PCNT: variants seen among roughly 807,000 people sequenced by gnomAD.
The protein encoded by PCNT is pericentrin.
In PCNT, 319 loss-of-function variants were observed where a neutral mutation model predicts 380.4. That is an observed-to-expected ratio of 0.84 (90% CI 0.77 to 0.92). The LOEUF (loss-of-function observed/expected upper bound fraction) is 0.92. PCNT is among the 40% of genes least tolerant of loss of function. The pLI, the probability that PCNT is intolerant of heterozygous loss-of-function variation, is 0.00. For synonymous variants in PCNT, 1,845 were observed against 1,735.2 expected (o/e 1.06, Z -1.57); for missense variants, 4,400 against 4,255.3 (o/e 1.03, Z -0.95).
chr21:46,415,518 A>G (rs2002617), intron 29 of PCNT, among the ~76,000 whole-genome samples: 26,767 of 151,476 alleles, frequency 0.18, 4,359 homozygotes, highest in African/African-American at 0.43. Flanking sequence ...CCGAGTAGCT[A>G]GGATTACAGG....
At chr21:46,338,540 T>G (rs2083823188) in intron 3 of PCNT, among the ~76,000 whole-genome samples, 1 of 152,140 alleles carries the variant, frequency 6.6e-6, no homozygotes. Context: ...AGTTTGTTTA[T>G]CCACTCACCT....
intron 31 of PCNT, among the ~76,000 whole-genome samples, chr21:46,418,560 C>T (rs902473413): frequency 6.6e-6 from 1 of 152,228 alleles, no homozygotes; most frequent in African/African-American, 2.4e-5. Flanking sequence ...CCAAGGCTGG[C>T]ATCTCAGCTA....
chr21:46,356,899 C>T, intron 12 of PCNT, 75 bp from the exon 13 acceptor site: 2 of 1,272,404 alleles, frequency 1.6e-6, no homozygotes, highest in Non-Finnish European at 2.3e-6. Context: ...GGTTGCCGTT[C>T]TGCCTGTGCG....
At chr21:46,354,544 G>A (rs2084403157) in intron 11 of PCNT, among the ~76,000 whole-genome samples, 1 of 152,266 alleles carries the variant, frequency 6.6e-6, no homozygotes, top group Non-Finnish European at 1.5e-5. Context: ...TGTGCTGCCA[G>A]TGTGGTGCCC....
Position 46,365,530 on chromosome 21 carries a change from C to T in PCNT, c.2610-1054C>T, listed in dbSNP as rs2084885424. 4.2e-5 allele frequency among the ~76,000 whole-genome samples: 6 copies of T among 142,174 alleles called. No homozygotes were observed. In the South Asian group the frequency reaches 1.4e-3, roughly 33 times the overall value. The allele number at this position is 142,174 out of a possible 152,430, so 93.3% of individuals were successfully genotyped here. ...CTGATCACTGCCATGGGGTTCTATT[C>T]ACTGCCGTGGGGTTCTGATCACTGC... On this transcript the variant is annotated intron_variant, in intron 14 of 46. Coordinates refer to ENST00000359568, the MANE Select transcript of PCNT (RefSeq NM_006031.6).
chr21:46,342,318 G>C (rs1012626819), intron 3 of PCNT, among the ~76,000 whole-genome samples: 4 of 152,036 alleles, frequency 2.6e-5, no homozygotes, highest in Non-Finnish European at 5.9e-5. Context: ...TGTCGCCCAG[G>C]CTGGTCTTGA....
At chr21:46,403,245 G>T (rs1467965011) in intron 27 of PCNT, among the ~76,000 whole-genome samples, 1 of 138,742 alleles carries the variant, frequency 7.2e-6, no homozygotes, top group East Asian at 2.1e-4. Flanking sequence ...CATGCTCGGT[G>T]AATGAACACA....
rs569257634 is a variant in PCNT, at chr21:46,355,401, G to A, written c.1762-51G>A. ...ACACCTTTGAGGGTTATAGCTGCGAGCGAGGTAGCTTGGCTCACTAACGTG... is the reference window on the plus strand; with the variant it reads ...ACACCTTTGAGGGTTATAGCTGCGAACGAGGTAGCTTGGCTCACTAACGTG... On this transcript the variant is annotated intron_variant, in intron 11 of 46. Coordinates refer to ENST00000359568, the MANE Select transcript of PCNT (RefSeq NM_006031.6). 6.6e-5 allele frequency: 105 copies of A among 1,581,484 alleles called. 1 individual carries two copies. The East Asian group carries it at 8.7e-4, about 13-fold the overall frequency.
chr21:46,374,647 C>T (rs998776657), intron 15 of PCNT, among the ~76,000 whole-genome samples: 4 of 152,136 alleles, frequency 2.6e-5, no homozygotes, highest in South Asian at 2.1e-4. Context: ...GTTGGGAGTT[C>T]GAGACCAGCC....
Position 46,412,826 on chromosome 21 carries a change from C to T in PCNT, c.5995-11C>T. ...CTGCATGCTCAGCTTTCCTCTGTCT[C>T]CTCTGTCAAGGGTGATCTGCAGCCT... On this transcript the variant is annotated splice_polypyrimidine_tract_variant and intron_variant, in intron 28 of 46. Transcript: ENST00000359568. The T allele has an allele frequency of 1.2e-6, 2 of 1,610,204 alleles. No individual in the cohort carries two copies. Among genetic ancestry groups the T allele is most frequent in the Non-Finnish European group, 1.7e-6 (2 of 1,179,986 alleles).
chr21:46,364,730 C>T lies in PCNT; in HGVS notation c.2609+796C>T, dbSNP rs544117504. Among the ~76,000 whole-genome samples, 9 of 152,352 alleles carry T rather than the reference C, an allele frequency of 5.9e-5. No homozygotes were observed. In the South Asian group the frequency reaches 1.9e-3, roughly 32 times the overall value. On this transcript the variant is annotated intron_variant, in intron 14 of 46. Coordinates refer to ENST00000359568, the MANE Select transcript of PCNT (RefSeq NM_006031.6). Reference sequence around the variant, plus strand: ...CCAGGGCTGTGCCGTTCTTTCTCATCTGTCTGCCCCACCCAGCCCTTCCCC... The same window carrying T: ...CCAGGGCTGTGCCGTTCTTTCTCATTTGTCTGCCCCACCCAGCCCTTCCCC...
intron 15 of PCNT, 55 bp downstream of exon 15, chr21:46,367,194 G>T (rs1439334871): frequency 6.8e-7 from 1 of 1,470,200 alleles, no homozygotes; most frequent in African/African-American, 1.4e-5. Flanking sequence ...CGCTGCCTGT[G>T]TGTTTCCACC....
chr21:46,412,371 G>C (rs1437470263), intron 28 of PCNT, among the ~76,000 whole-genome samples: 1 of 152,216 alleles, frequency 6.6e-6, no homozygotes, highest in Non-Finnish European at 1.5e-5. Flanking sequence ...CTCACTATGT[G>C]AGGAGGGTCC....
rs754352063 is a variant in PCNT, at chr21:46,349,762, G to A, written c.1286G>A (p.Arg429Gln). 2 of 1,613,950 alleles carry A rather than the reference G, an allele frequency of 1.2e-6. No homozygotes were observed. The highest frequency in any genetic ancestry group is 1.3e-5 in the African/African-American group (1 of 74,904). ...GAAGACCTGCAGTCCGAGCACGGCCGGTGTTTAGAAGACTTGGAGTTCAAG... is the reference window on the plus strand; with the variant it reads ...GAAGACCTGCAGTCCGAGCACGGCCAGTGTTTAGAAGACTTGGAGTTCAAG... Reference protein sequence around the residue: ...LREDLQSEHGRCLEDLEFKFK... With the variant: ...LREDLQSEHGQCLEDLEFKFK... Residue 429 changes from arginine (R) to glutamine (Q), a missense_variant, in exon 8 of 47, where the codon CGG becomes CAG. By Grantham distance (43) the Arg-to-Gln change is conservative. Transcript: ENST00000359568.
chr21:46,371,224 T>C (rs1275064587), intron 15 of PCNT, among the ~76,000 whole-genome samples: 1 of 150,604 alleles, frequency 6.6e-6, no homozygotes, highest in Non-Finnish European at 1.5e-5. Flanking sequence ...CTTTTTTTTT[T>C]TTTTTTTTTA....
chr21:46,383,906 G>A (rs1392655314), intron 16 of PCNT, among the ~76,000 whole-genome samples: 12 of 143,810 alleles, frequency 8.3e-5, no homozygotes, highest in African/African-American at 2.6e-4. Flanking sequence ...TGGCAGAAGC[G>A]CATTCACAGT....
chr21:46,438,208 G>C lies in PCNT; in HGVS notation c.9144G>C (p.Leu3048=). 1 of 1,614,188 alleles carries C rather than the reference G, an allele frequency of 6.2e-7. No individual in the cohort carries two copies. Among genetic ancestry groups the C allele is most frequent in the Non-Finnish European group, 8.5e-7 (1 of 1,179,990 alleles). ...TGCAGTTCCAGTTTGTGGACGTCCT[G>C]CTGAAAGACAATGTTTCCCTCACAA... ...AELQFQFVDV[L]LKDNVSLTKA... The change falls in exon 41 of 47, where the codon CTG becomes CTC. Residue 3048 remains leucine (L), a synonymous_variant. Coordinates refer to ENST00000359568, the MANE Select transcript of PCNT (RefSeq NM_006031.6).
chr21:46,430,900 C>T (rs1477469182), intron 37 of PCNT: 3 of 985,336 alleles, frequency 3.0e-6, no homozygotes, highest in African/African-American at 3.5e-5. Flanking sequence ...GGAGCCCCCC[C>T]CCGTCCCTGA....
At chr21:46,410,481 T>A (rs1368228126) in intron 27 of PCNT, among the ~76,000 whole-genome samples, 3 of 152,238 alleles carry the variant, frequency 2.0e-5, no homozygotes, top group Non-Finnish European at 4.4e-5. Context: ...ACCAGGAATG[T>A]TATCTTAAGA....
Sources: allele counts gnomAD v4.1 joint callset (sites outside exome capture counted in the v4.1 genomes callset), GRCh38; gene constraint gnomAD v4.1.1; transcripts MANE v1.5; gene names NCBI Gene and HGNC (gene_info 2026-07-23, HGNC 2026-07-21).